Variants in ABR observed in about 807,000 individuals in gnomAD.
ABR encodes the protein active breakpoint cluster region-related protein.
ABR carries 35 observed loss-of-function variants against 107.2 expected under a neutral mutation model. The ratio of observed to expected loss-of-function variants is 0.33; its 90% CI spans 0.25 to 0.43. The LOEUF (loss-of-function observed/expected upper bound fraction) is 0.43. ABR is among the 20% of genes least tolerant of loss of function. The pLI, the probability that ABR is intolerant of heterozygous loss-of-function variation, is 1.00. For synonymous variants in ABR, 498 were observed against 462.0 expected, an observed-to-expected ratio of 1.08 and a Z score of -1.00; for missense variants, 815 against 1,115.2, an observed-to-expected ratio of 0.73 and a Z score of 3.83.
intron 1 of ABR, among the ~76,000 whole-genome samples, chr17:1,217,792 T>A (rs1335435187): frequency 6.6e-6 from 1 of 152,172 alleles, no homozygotes; most frequent in Non-Finnish European, 1.5e-5. Flanking sequence ...CCTCCCAGGT[T>A]CAAGCGATTC....
chr17:1,191,359 T>C (rs1320983217), upstream of ABR, among the ~76,000 whole-genome samples: 32 of 139,310 alleles, frequency 2.3e-4, no homozygotes, highest in Admixed American at 1.6e-3. Context: ...CTTTTCTTTT[T>C]TTTTTTTTTT....
chr17:1,042,149 A>C (rs2030634856), intron 16 of ABR, among the ~76,000 whole-genome samples: 1 of 151,242 alleles, frequency 6.6e-6, no homozygotes, highest in South Asian at 2.1e-4. Context: ...GGGTGGAAAC[A>C]ACCCAAATGT....
At chr17:1,128,702 C>T (rs910006403) in intron 1 of ABR, among the ~76,000 whole-genome samples, 8 of 152,144 alleles carry the variant, frequency 5.3e-5, no homozygotes, top group Non-Finnish European at 1.0e-4. Flanking sequence ...GGATAGAAGC[C>T]ACCACTGAAG....
intron 16 of ABR, among the ~76,000 whole-genome samples, chr17:1,014,583 A>G (rs1370273227): frequency 6.6e-6 from 1 of 152,004 alleles, no homozygotes; most frequent in Non-Finnish European, 1.5e-5. Flanking sequence ...TCATGCCTGT[A>G]ATCCCAGCAC....
chr17:1,130,843 G>A (rs2039791545), intron 1 of ABR, among the ~76,000 whole-genome samples: 2 of 152,188 alleles, frequency 1.3e-5, no homozygotes, highest in South Asian at 2.1e-4. Flanking sequence ...AGGAATGCCT[G>A]GAGCCACCAG....
rs1200420367 is a variant in ABR, at chr17:1,084,867, G to A, written c.532-1240C>T. On this transcript the variant is annotated intron_variant, in intron 4 of 22. Coordinates refer to ENST00000302538, the MANE Select transcript of ABR (RefSeq NM_021962.5). This position sits in a 1 kb window ranked among gnomAD's most constrained non-coding sequence, Gnocchi z 4.2. Reference sequence around the variant, plus strand: ...CTTGTTGCCCAGGCTGCAGTACAGTGGTGCGATCTCGGCTCACCGCAACCT... The same window carrying A: ...CTTGTTGCCCAGGCTGCAGTACAGTAGTGCGATCTCGGCTCACCGCAACCT... Among the ~76,000 whole-genome samples the A allele has an allele frequency of 6.6e-6, 1 of 152,150 alleles. No homozygotes were observed. Among genetic ancestry groups the A allele is most frequent in the African/African-American group, 2.4e-5 (1 of 41,414 alleles).
intron 1 of ABR, among the ~76,000 whole-genome samples, chr17:1,175,682 A>G (rs2041893335): frequency 6.6e-6 from 1 of 152,172 alleles, no homozygotes; most frequent in South Asian, 2.1e-4. Context: ...CTACCATAGG[A>G]GAGATGGAGG....
chr17:1,026,228 G>A (rs2072182936), intron 16 of ABR, among the ~76,000 whole-genome samples: 1 of 152,260 alleles, frequency 6.6e-6, no homozygotes, highest in Non-Finnish European at 1.5e-5. Context: ...CAGCAGTTAA[G>A]TAGCAGACTG....
chr17:1,159,996 G>A (rs2041224015), intron 1 of ABR, among the ~76,000 whole-genome samples: 2 of 152,170 alleles, frequency 1.3e-5, no homozygotes, highest in African/African-American at 4.8e-5. Context: ...CGCTTGGGGA[G>A]GTGCCTTCTG....
upstream of ABR, among the ~76,000 whole-genome samples, chr17:1,188,461 A>G (rs1268551592): frequency 6.6e-6 from 1 of 152,060 alleles, no homozygotes; most frequent in Non-Finnish European, 1.5e-5. Context: ...GAGGCAGGAG[A>G]ATCGCTTGAA....
chr17:1,084,205 C>T lies in ABR; in HGVS notation c.532-578G>A, dbSNP rs2036447556. On this transcript the variant is annotated intron_variant, in intron 4 of 22. Transcript: ENST00000302538. The surrounding 1 kb of genome is among the most constrained non-coding windows in gnomAD (Gnocchi z 4.2). ...CAGCCTGGCCAACATGGCGAAACCC[C>T]GTCTCTACTAAAAATACAAAAATTA... is the stretch of plus-strand genomic sequence containing the variant. Among the ~76,000 whole-genome samples the T allele has an allele frequency of 1.3e-5, 2 of 152,184 alleles. No homozygotes were observed. Among genetic ancestry groups the T allele is most frequent in the South Asian group, 2.1e-4 (1 of 4,822 alleles).
chr17:1,228,241 T>A (rs34309560), intron 1 of ABR: 40,966 of 152,272 alleles, frequency 0.27, 6,643 homozygotes, highest in African/African-American at 0.45. Flanking sequence ...CAGAGGGGGC[T>A]GGTGAGGGCC....
At chr17:1,229,447 C>T (rs1341205503) in exon 1 of ABR, among the ~76,000 whole-genome samples, 1 of 151,556 alleles carries the variant, frequency 6.6e-6, no homozygotes, top group African/African-American at 2.4e-5. Context: ...CGGGCCAGCG[C>T]GGCCTGCGGG....
intron 16 of ABR, among the ~76,000 whole-genome samples, chr17:1,038,255 A>G (rs1462509578): frequency 6.6e-6 from 1 of 152,190 alleles, no homozygotes; most frequent in Non-Finnish European, 1.5e-5. Flanking sequence ...CAGCTCCTAG[A>G]GGCAGTTCTC....
chr17:1,120,525 C>T (rs2151436039), intron 2 of ABR, among the ~76,000 whole-genome samples: 1 of 152,330 alleles, frequency 6.6e-6, no homozygotes, highest in South Asian at 2.1e-4. Flanking sequence ...GTGATCCACC[C>T]ACCTCGGCCT....
intron 22 of ABR, among the ~76,000 whole-genome samples, chr17:1,006,543 G>T (rs1201889052): frequency 6.6e-6 from 1 of 152,172 alleles, no homozygotes; most frequent in Non-Finnish European, 1.5e-5. Flanking sequence ...TGAGACTGAG[G>T]CCCTCCTGAG....
chr17:1,083,262 ATTTTTTTTTTTTT>A, intron 5 of ABR: 2 of 99,692 alleles, frequency 2.0e-5, no homozygotes, highest in African/African-American at 3.7e-5. Flanking sequence ...ACTGCCTTGG[ATTTTTTTTTTTTT>A]TTTTTTTTTT....
intron 21 of ABR, among the ~76,000 whole-genome samples, chr17:1,009,256 C>T (rs1442100236): frequency 7.2e-6 from 1 of 139,810 alleles, no homozygotes; most frequent in African/African-American, 2.6e-5. Flanking sequence ...GTCCACCCCC[C>T]ACTGCTGTCC....
chr17:1,046,929 C>T (rs542350962), intron 16 of ABR, among the ~76,000 whole-genome samples: 1 of 152,346 alleles, frequency 6.6e-6, no homozygotes, highest in Non-Finnish European at 1.5e-5. Context: ...GTGCTGGACA[C>T]ACATTGGTGA....
Sources: gnomAD v4.1 joint callset for allele counts (sites outside exome capture counted in the v4.1 genomes callset) on GRCh38, gnomAD v4.1.1 for gene constraint, Gnocchi (gnomAD v3.1) non-coding constraint, MANE v1.5 for transcripts, NCBI Gene and HGNC (gene_info 2026-07-23, HGNC 2026-07-21) for gene names.